SLC25A13: variants seen among roughly 807,000 people sequenced by gnomAD.
SLC25A13 encodes electrogenic aspartate/glutamate antiporter SLC25A13, mitochondrial.
A neutral mutation model predicts 85.5 loss-of-function variants in SLC25A13; 70 were observed. That is an observed-to-expected ratio of 0.82 (90% CI 0.68 to 1.00). SLC25A13 has a LOEUF of 1.00. Ranked by LOEUF, SLC25A13 falls within the 50% of genes least tolerant of loss-of-function variation. SLC25A13 has a pLI of 0.00. For missense variants in SLC25A13, 765 were observed against 819.8 expected (o/e 0.93, Z 0.82); for synonymous variants, 259 against 288.7 (o/e 0.90, Z 1.04).
At chr7:96,251,771 A>G (rs1378934201) in intron 3 of SLC25A13, among the ~76,000 whole-genome samples, 1 of 152,250 alleles carries the variant, frequency 6.6e-6, no homozygotes, top group Non-Finnish European at 1.5e-5. Context: ...AAAGAAAATA[A>G]AAGTGAAGCA....
At chr7:96,244,059 G>A (rs191233158) in intron 3 of SLC25A13, among the ~76,000 whole-genome samples, 10 of 152,282 alleles carry the variant, frequency 6.6e-5, no homozygotes, top group Non-Finnish European at 8.8e-5. Context: ...AACCTGGGTC[G>A]TAGCAAGAGA....
At chr7:96,133,793 A>G (rs1792141727) in intron 14 of SLC25A13, among the ~76,000 whole-genome samples, 1 of 151,920 alleles carries the variant, frequency 6.6e-6, no homozygotes, top group Non-Finnish European at 1.5e-5. Flanking sequence ...TCAAATGAAG[A>G]TCACTTTAAT....
intron 11 of SLC25A13, among the ~76,000 whole-genome samples, chr7:96,174,441 G>A (rs565318477): frequency 6.6e-6 from 1 of 152,294 alleles, no homozygotes; most frequent in South Asian, 2.1e-4. Flanking sequence ...ATAGGAGAAG[G>A]CTTGGTTATT....
chr7:96,239,037 T>TTATATATATATATATATATATATATATA (rs58990918), intron 3 of SLC25A13, among the ~76,000 whole-genome samples: 4 of 130,882 alleles, frequency 3.1e-5, no homozygotes, highest in East Asian at 2.2e-4. Context: ...ACTATATATT[T>TTATATATATATATATATATATATATATA]TATATATATA....
chr7:96,232,219 G>A (rs535616646), intron 4 of SLC25A13, among the ~76,000 whole-genome samples: 3 of 152,160 alleles, frequency 2.0e-5, no homozygotes, highest in Admixed American at 1.3e-4. Flanking sequence ...TAAAGAAAAT[G>A]TGGTACATAT....
At chr7:96,227,241 G>GT (rs1437661927) in intron 4 of SLC25A13, among the ~76,000 whole-genome samples, 1 of 152,104 alleles carries the variant, frequency 6.6e-6, no homozygotes, top group African/African-American at 2.4e-5. Flanking sequence ...TTCAAAATTT[G>GT]TAGTGTTCAT....
rs948405268 is a variant in SLC25A13 at position 96,212,532 on chromosome 7, T to G, written c.329-3555A>C. On this transcript the variant is annotated intron_variant, in intron 4 of 17. Coordinates refer to ENST00000265631, the MANE Select transcript of SLC25A13 (RefSeq NM_014251.3). ...TTACTGGAGCAGATAAACCATGATC[T>G]GGGACCTGAAAGGTGTCAAGGATTT... Among the ~76,000 whole-genome samples, 11 of 152,310 alleles carry G rather than the reference T, an allele frequency of 7.2e-5. No homozygotes were observed. In the East Asian group the frequency reaches 2.1e-3, roughly 29 times the overall value.
At chr7:96,270,026 G>C (rs905652430) in intron 3 of SLC25A13, among the ~76,000 whole-genome samples, 1 of 152,190 alleles carries the variant, frequency 6.6e-6, no homozygotes, top group Non-Finnish European at 1.5e-5. Context: ...ATTTTAGTTA[G>C]AGGAGTAAGC....
At chr7:96,212,017 T>C (rs1795717814) in intron 4 of SLC25A13, among the ~76,000 whole-genome samples, 2 of 152,254 alleles carry the variant, frequency 1.3e-5, no homozygotes, top group South Asian at 4.1e-4. Flanking sequence ...TTGAAATGGA[T>C]AAAAATTTAA....
At chr7:96,122,734 A>G (rs1376221039) in intron 15 of SLC25A13, among the ~76,000 whole-genome samples, 2 of 152,156 alleles carry the variant, frequency 1.3e-5, no homozygotes, top group Non-Finnish European at 2.9e-5. Context: ...AACAACAACA[A>G]CAGAAAACCC....
intron 1 of SLC25A13, among the ~76,000 whole-genome samples, chr7:96,315,387 G>A (rs1461323585): frequency 6.6e-6 from 1 of 152,198 alleles, no homozygotes; most frequent in Non-Finnish European, 1.5e-5. Flanking sequence ...TCTCTGGAGG[G>A]AGACCCAGGC....
chr7:96,233,510 A>G (rs910050921), intron 4 of SLC25A13, among the ~76,000 whole-genome samples: 11 of 152,254 alleles, frequency 7.2e-5, no homozygotes, highest in Non-Finnish European at 1.6e-4. Context: ...GGGCAAGTAT[A>G]TAATTTTTTG....
At chr7:96,280,830 G>A (rs2116950081) in intron 2 of SLC25A13, among the ~76,000 whole-genome samples, 1 of 152,214 alleles carries the variant, frequency 6.6e-6, no homozygotes, top group East Asian at 1.9e-4. Context: ...CACACTGATG[G>A]TATGAGAATA....
At chr7:96,227,245 T>C (rs183739022) in intron 4 of SLC25A13, among the ~76,000 whole-genome samples, 1 of 152,334 alleles carries the variant, frequency 6.6e-6, no homozygotes, top group Admixed American at 6.5e-5. Flanking sequence ...AAATTTGTAG[T>C]GTTCATCAAC....
chr7:96,306,740 C>T, intron 1 of SLC25A13: 16 of 1,031,960 alleles, frequency 1.6e-5, no homozygotes, highest in Admixed American at 1.2e-4. Flanking sequence ...CTTTTGTGCC[C>T]TTCATCCCTC....
chr7:96,138,486 C>T lies in SLC25A13; in HGVS notation c.1453-6605G>A, dbSNP rs147864774. ...TCATGGCTCACTGCAGCCTTGACCCCCTGGGCTCAAGTGCTCTTCCCCCCT... is the reference window on the plus strand; with the variant it reads ...TCATGGCTCACTGCAGCCTTGACCCTCTGGGCTCAAGTGCTCTTCCCCCCT... On this transcript the variant is annotated intron_variant, in intron 14 of 17. Transcript: ENST00000265631. Among the ~76,000 whole-genome samples the T allele has an allele frequency of 6.3e-4, 96 of 151,748 alleles. No homozygotes were observed. In the East Asian group the frequency reaches 0.018, roughly 29 times the overall value.
At chr7:96,277,401 G>C in intron 2 of SLC25A13, 63 bp from the exon 3 acceptor site, 2 of 1,481,570 alleles carry the variant, frequency 1.3e-6, no homozygotes, top group South Asian at 1.2e-5. Flanking sequence ...ATAATCATGA[G>C]AGTGATATGT....
At chr7:96,232,441 G>A (rs573425386) in intron 4 of SLC25A13, among the ~76,000 whole-genome samples, 1 of 152,142 alleles carries the variant, frequency 6.6e-6, no homozygotes, top group Non-Finnish European at 1.5e-5. Flanking sequence ...CCAGAGGGTG[G>A]AGGGTAGAAG....
intron 2 of SLC25A13, 78 bp from the exon 3 acceptor site, chr7:96,277,416 A>G: frequency 7.3e-7 from 1 of 1,374,600 alleles, no homozygotes; most frequent in Admixed American, 1.9e-5. Flanking sequence ...ATATGTGAAA[A>G]AGTTGAAAAT....
Sources: gnomAD v4.1 joint callset for allele counts (sites outside exome capture counted in the v4.1 genomes callset) on GRCh38, gnomAD v4.1.1 for gene constraint, MANE v1.5 for transcripts, NCBI Gene and HGNC (gene_info 2026-07-23, HGNC 2026-07-21) for gene names.